The following BGN variants were observed in gnomAD, a reference collection of about 807,000 sequenced individuals.
BGN encodes the protein bone/cartilage proteoglycan-I.
Under a neutral mutation model 20.0 loss-of-function variants are expected in BGN, and 6 were observed. That is an observed-to-expected ratio of 0.30 (90% CI 0.16 to 0.59). The LOEUF (loss-of-function observed/expected upper bound fraction) is 0.59, where lower values mean the gene tolerates loss of function less well. Among genes scored for constraint, BGN ranks in the 20% least tolerant of loss-of-function variants. The pLI, the probability that BGN is intolerant of heterozygous loss-of-function variation, is 0.88. For missense variants in BGN, 292 were observed against 312.1 expected, an observed-to-expected ratio of 0.94 and a Z score of 0.49; for synonymous variants, 146 against 134.6, an observed-to-expected ratio of 1.08 and a Z score of -0.59.
chrX:153,506,791 A>G, intron 5 of BGN, 39 bp from the exon 6 acceptor site: 1 of 1,189,566 alleles, frequency 8.4e-7, no homozygotes, highest in Non-Finnish European at 1.1e-6. Flanking sequence ...CCCTGCCCTC[A>G]GCACCTGCAT....
chrX:153,504,606 C>T lies in BGN; in HGVS notation c.-11-15C>T, dbSNP rs181456114. On this transcript the variant is annotated splice_polypyrimidine_tract_variant and intron_variant, in intron 1 of 7. Transcript: ENST00000331595. Reference sequence around the variant, plus strand: ...TGGGTGCTGGTGCTGATGATCCCCTCGCCTCTTCCCCCAGGTCCATCCGCC... The same window carrying T: ...TGGGTGCTGGTGCTGATGATCCCCTTGCCTCTTCCCCCAGGTCCATCCGCC... The T allele has an allele frequency of 1.0e-4, 118 of 1,151,918 alleles. No homozygotes were observed. The African/African-American group carries it at 1.1e-3, about 11-fold the overall frequency. The allele number at this position is 1,151,918 out of a possible 1,213,427, so 94.9% of individuals were successfully genotyped here. A position where few individuals can be genotyped will look rare whatever the true frequency, so the allele number is the denominator to read the frequency against.
intron 3 of BGN, among the ~76,000 whole-genome samples, 160 bp from the exon 4 acceptor site, chrX:153,505,703 G>A (rs1048588629): frequency 4.5e-5 from 5 of 110,901 alleles, no homozygotes; most frequent in African/African-American, 1.6e-4. Context: ...TGGGGCTCAG[G>A]ACCGGGCCTG....
rs1220126260 is a variant in BGN, at chrX:153,499,365, C to T, written c.-12+4252C>T. ...TCCCGCACTCCGCCGACTGTGGGGA[C>T]AGGCTGGACCTTGACATGGGCGCCA... On this transcript the variant is annotated intron_variant, in intron 1 of 7. Transcript: ENST00000331595. 1.8e-5 allele frequency among the ~76,000 whole-genome samples: 2 copies of T among 112,351 alleles called. 1 individual carries two copies. The highest frequency in any genetic ancestry group is 5.6e-4 in the East Asian group (2 of 3,567).
At chrX:153,500,812 TGCATGTGTGTATACATGCATGCATGTGC>T (rs1433622060) in intron 1 of BGN, among the ~76,000 whole-genome samples, 2 of 111,432 alleles carry the variant, frequency 1.8e-5, no homozygotes, top group African/African-American at 3.3e-5. Context: ...TGTGCATGTG[TGCATGTGTGTATACATGCATGCATGTGC>T]GCATGTGGAT....
Position 153,508,997 on chromosome X carries a change from C to A in BGN, c.*552C>A. On this transcript the variant is annotated 3_prime_UTR_variant, in exon 8 of 8. Transcript: ENST00000331595. ...CTGCTCCACTGGCCCTTCGACCAGT[C>A]CTCCCTTCTGTTCTCTCTTTCCCCG... 1 of 120,206 alleles carries A rather than the reference C, an allele frequency of 8.3e-6. No homozygotes were observed. The highest frequency in any genetic ancestry group is 1.7e-5 in the Non-Finnish European group (1 of 58,726). The allele number at this position is 120,206 out of a possible 1,213,427, so 9.9% of individuals were successfully genotyped here.
intron 1 of BGN, among the ~76,000 whole-genome samples, chrX:153,497,862 GC>G (rs1556991084): frequency 8.9e-6 from 1 of 112,279 alleles, no homozygotes; most frequent in African/African-American, 3.2e-5. Context: ...CATCCCAGCT[GC>G]CCCCTTCGCT....
At chrX:153,503,372 G>T (rs781891733) in intron 1 of BGN, among the ~76,000 whole-genome samples, 1 of 112,350 alleles carries the variant, frequency 8.9e-6, no homozygotes, top group African/African-American at 3.2e-5. Context: ...CTGGGCGTGC[G>T]ACTGCTTCAG....
intron 1 of BGN, among the ~76,000 whole-genome samples, chrX:153,496,948 G>GGGCCCCCCC: frequency 1.7e-5 from 1 of 57,211 alleles, no homozygotes; most frequent in South Asian, 1.3e-3. Flanking sequence ...TGCTTCCCGG[G>GGGCCCCCCC]CCCACCCCCC....
chrX:153,496,948 G>GCCCCCCCCCCCCC (rs782676136), intron 1 of BGN, among the ~76,000 whole-genome samples: 1 of 57,195 alleles, frequency 1.7e-5, no homozygotes, highest in African/African-American at 8.1e-5. Context: ...TGCTTCCCGG[G>GCCCCCCCCCCCCC]CCCACCCCCC....
intron 4 of BGN, 90 bp from the exon 5 acceptor site, chrX:153,506,439 G>A (rs952335300): frequency 4.9e-5 from 41 of 830,196 alleles, no homozygotes; most frequent in Non-Finnish European, 6.7e-5. Flanking sequence ...CCGGCAGGTA[G>A]CAGGGCCCAC....
intron 1 of BGN, among the ~76,000 whole-genome samples, chrX:153,499,883 G>A (rs1556991443): frequency 1.8e-5 from 2 of 113,184 alleles, no homozygotes; most frequent in African/African-American, 6.4e-5. Flanking sequence ...CCAGAGGGGA[G>A]GGGAGGAAGG....
rs868974379 is a variant in BGN at position 153,506,887 on chromosome X, A to C, written c.734A>C (p.Glu245Ala). 5.0e-6 allele frequency: 6 copies of C among 1,209,813 alleles called. No homozygotes were observed. The African/African-American group carries it at 1.1e-4, about 21-fold the overall frequency. ...HLDHNKIQAI[E>A]LEDLLRYSKL... ...GACCACAACAAAATCCAGGCCATCGAACTGGAGGACCTGCTTCGCTACTCC... is the reference window on the plus strand; with the variant it reads ...GACCACAACAAAATCCAGGCCATCGCACTGGAGGACCTGCTTCGCTACTCC... The change falls in exon 6 of 8, where the codon GAA (glutamate) becomes GCA (alanine). Residue 245 changes from glutamate (E) to alanine (A), a missense_variant. By Grantham distance (107) the Glu-to-Ala change is moderately radical. Transcript: ENST00000331595.
rs377277441 is a variant in BGN at position 153,508,131 on chromosome X, G to A, written c.910-117G>A. On this transcript the variant is annotated intron_variant, in intron 7 of 7. Transcript: ENST00000331595. ...GGTTTGCTCCTCCCAACAACGGGGA[G>A]CCTCTGGTGTGGCCCTTGAAGTAGG... The A allele has an allele frequency of 1.3e-3, 1,041 of 785,078 alleles. 15 individuals carry two copies. In the South Asian group the frequency reaches 0.023, roughly 18 times the overall value. The allele number at this position is 785,078 out of a possible 1,213,427, so 64.7% of individuals were successfully genotyped here. A position where few individuals can be genotyped will look rare whatever the true frequency, so the allele number is the denominator to read the frequency against.
intron 1 of BGN, among the ~76,000 whole-genome samples, chrX:153,504,016 C>T (rs1198460528): frequency 1.5e-4 from 17 of 111,889 alleles, no homozygotes; most frequent in African/African-American, 5.5e-4. Flanking sequence ...CCCCCTCTTT[C>T]TCCGCCCTGC....
chrX:153,508,389 A>T lies in BGN; in HGVS notation c.1051A>T (p.Thr351Ser). The T allele has an allele frequency of 1.7e-6, 2 of 1,212,067 alleles. No homozygotes were observed. The highest frequency in any genetic ancestry group is 2.2e-6 in the Non-Finnish European group (2 of 895,627). The change falls in exon 8 of 8, where the codon ACT becomes TCT. Residue 351 changes from threonine (T) to serine (S), a missense_variant. Transcript: ENST00000331595. ...PVPYWEVQPATFRCVTDRLAI... is the reference protein window; with the variant it reads ...PVPYWEVQPASFRCVTDRLAI... ...GCCCTACTGGGAGGTGCAGCCGGCC[A>T]CTTTCCGCTGCGTCACTGACCGCCT...
intron 1 of BGN, 67 bp from the exon 2 acceptor site, chrX:153,504,554 A>G: frequency 2.1e-6 from 2 of 943,430 alleles, no homozygotes; most frequent in Non-Finnish European, 1.5e-6. Context: ...CACGCGGAAC[A>G]CCAGCCCCTG....
In BGN at chrX:153,504,628, C is replaced by T. The variant is rs782584342; in HGVS notation, c.-4C>T. 2.0e-5 allele frequency: 24 copies of T among 1,195,831 alleles called. No individual in the cohort carries two copies. Among genetic ancestry groups the T allele is most frequent in the South Asian group, 1.4e-4 (8 of 55,991 alleles). On this transcript the variant is annotated 5_prime_UTR_variant, in exon 2 of 8. Transcript: ENST00000331595. ...CCTCGCCTCTTCCCCCAGGTCCATC[C>T]GCCATGTGGCCCCTGTGGCGCCTCG...
At chrX:153,500,285 C>T (rs150517285) in intron 1 of BGN, among the ~76,000 whole-genome samples, 1,399 of 112,993 alleles carry the variant, frequency 0.012, 22 homozygotes, top group African/African-American at 0.042. Flanking sequence ...TCACTCACAC[C>T]TGCGGTCGCC....
chrX:153,504,301 C>T (rs1401471503), intron 1 of BGN, among the ~76,000 whole-genome samples: 3 of 112,459 alleles, frequency 2.7e-5, no homozygotes, highest in Non-Finnish European at 5.6e-5. Flanking sequence ...GACTCAGAGG[C>T]GTGGGGGCCT....
Sources: allele counts gnomAD v4.1 joint callset (sites outside exome capture counted in the v4.1 genomes callset), GRCh38; gene constraint gnomAD v4.1.1; transcripts MANE v1.5; gene names NCBI Gene and HGNC (gene_info 2026-07-23, HGNC 2026-07-21).